Variants in BCKDHB observed in about 807,000 individuals in gnomAD.
BCKDHB encodes the protein branched chain keto acid dehydrogenase E1 subunit beta.
BCKDHB carries 41 observed loss-of-function variants against 48.5 expected under a neutral mutation model. The observed-to-expected ratio is 0.85, with a 90% CI of 0.66 to 1.10. BCKDHB has a LOEUF of 1.10. Among genes scored for constraint, BCKDHB ranks in the 50% least tolerant of loss-of-function variants. BCKDHB has a pLI of 0.00. For missense variants in BCKDHB, 496 were observed against 494.2 expected (o/e 1.00, Z -0.03); for synonymous variants, 201 against 174.8 (o/e 1.15, Z -1.18).
chr6:80,293,047 G>T (rs1767016211), intron 9 of BCKDHB, among the ~76,000 whole-genome samples: 1 of 152,206 alleles, frequency 6.6e-6, no homozygotes, highest in Non-Finnish European at 1.5e-5. Context: ...TCTCAGGCTG[G>T]CATTGAGTGT....
the BCKDHB span, among the ~76,000 whole-genome samples, chr6:80,398,455 GCAGA>G: frequency 6.6e-6 from 1 of 152,082 alleles, no homozygotes; most frequent in Non-Finnish European, 1.5e-5. Context: ...GCACCTGTGT[GCAGA>G]CAAACCAGAA....
the BCKDHB span, among the ~76,000 whole-genome samples, chr6:80,386,858 C>T: frequency 1.3e-5 from 2 of 152,198 alleles, no homozygotes; most frequent in African/African-American, 4.8e-5. Flanking sequence ...ATCACAGCCC[C>T]TCAATCAATT....
chr6:80,421,937 G>A, the BCKDHB span, among the ~76,000 whole-genome samples: 3 of 152,186 alleles, frequency 2.0e-5, no homozygotes, highest in Non-Finnish European at 4.4e-5. Context: ...CCATTTTCTT[G>A]GGAGAAATTG....
intron 3 of BCKDHB, among the ~76,000 whole-genome samples, chr6:80,139,751 T>G (rs1246835310): frequency 6.6e-6 from 1 of 152,112 alleles, no homozygotes; most frequent in Non-Finnish European, 1.5e-5. Flanking sequence ...GCCTCCAGCT[T>G]TGTTCTTTTG....
At chr6:80,378,534 A>G in the BCKDHB span, among the ~76,000 whole-genome samples, 2 of 151,936 alleles carry the variant, frequency 1.3e-5, no homozygotes, top group African/African-American at 2.4e-5. Context: ...GTGTCCACCA[A>G]CCCTTGGTAA....
At chr6:80,432,374 C>G in the BCKDHB span, among the ~76,000 whole-genome samples, 1 of 152,120 alleles carries the variant, frequency 6.6e-6, no homozygotes, top group Non-Finnish European at 1.5e-5. Context: ...AGGCTTTGCT[C>G]ATTCCTTTTT....
At chr6:80,138,922 G>C (rs1375887180) in intron 3 of BCKDHB, among the ~76,000 whole-genome samples, 1 of 152,186 alleles carries the variant, frequency 6.6e-6, no homozygotes, top group African/African-American at 2.4e-5. Flanking sequence ...CCCAGCAACA[G>C]TGTAAAAGTG....
At chr6:80,372,345 G>T in the BCKDHB span, among the ~76,000 whole-genome samples, 1 of 152,188 alleles carries the variant, frequency 6.6e-6, no homozygotes, top group East Asian at 1.9e-4. Flanking sequence ...TTATTTGCCA[G>T]TTCTAGGAGC....
chr6:80,224,022 T>C (rs908486112), intron 8 of BCKDHB, among the ~76,000 whole-genome samples: 13 of 152,236 alleles, frequency 8.5e-5, no homozygotes, highest in African/African-American at 3.1e-4. Flanking sequence ...AATGGAATTT[T>C]AAGGAAGCCT....
At chr6:80,357,624 C>G in the BCKDHB span, among the ~76,000 whole-genome samples, 1 of 152,200 alleles carries the variant, frequency 6.6e-6, no homozygotes, top group African/African-American at 2.4e-5. Flanking sequence ...TACAAAACTT[C>G]GACCTTGAAG....
intron 6 of BCKDHB, among the ~76,000 whole-genome samples, chr6:80,192,747 A>C (rs1773954715): frequency 1.3e-5 from 2 of 152,146 alleles, no homozygotes; most frequent in Non-Finnish European, 2.9e-5. Flanking sequence ...AATGTAATGA[A>C]GTTAATTTGG....
chr6:80,418,615 C>A, the BCKDHB span, among the ~76,000 whole-genome samples: 174 of 152,310 alleles, frequency 1.1e-3, no homozygotes, highest in Non-Finnish European at 1.7e-3. Context: ...TTGTATTGGG[C>A]CCTGCCTTTC....
At chr6:80,384,352 T>TC in the BCKDHB span, among the ~76,000 whole-genome samples, 3 of 144,658 alleles carry the variant, frequency 2.1e-5, no homozygotes, top group African/African-American at 8.0e-5. Context: ...CTTCTTCTTT[T>TC]TTTTTTTTTT....
At chr6:80,116,707 C>T (rs796798338) in intron 1 of BCKDHB, among the ~76,000 whole-genome samples, 3 of 152,324 alleles carry the variant, frequency 2.0e-5, no homozygotes, top group African/African-American at 7.2e-5. Flanking sequence ...AAGTGTGCTG[C>T]TGTATTTTGT....
chr6:80,284,421 T>C (rs1766527126), intron 9 of BCKDHB, among the ~76,000 whole-genome samples: 1 of 152,116 alleles, frequency 6.6e-6, no homozygotes, highest in Non-Finnish European at 1.5e-5. Flanking sequence ...CTTTAAGATA[T>C]CTGAAAATTT....
chr6:80,425,013 GA>G, the BCKDHB span, among the ~76,000 whole-genome samples: 1 of 152,156 alleles, frequency 6.6e-6, no homozygotes, highest in Non-Finnish European at 1.5e-5. Flanking sequence ...ATGCAAAGAA[GA>G]GGAATGGCCA....
the BCKDHB span, among the ~76,000 whole-genome samples, chr6:80,407,036 G>A: frequency 1.3e-5 from 2 of 152,142 alleles, no homozygotes; most frequent in Admixed American, 6.5e-5. Context: ...TTTTGTGTAA[G>A]GTGTAAGGAA....
At chr6:80,171,238 A>G (rs760013286) in intron 5 of BCKDHB, 44 bp from the exon 6 acceptor site, 2 of 1,150,562 alleles carry the variant, frequency 1.7e-6, no homozygotes, top group Non-Finnish European at 2.6e-6. Context: ...GTTTACTGGG[A>G]TATATTTTTA....
intron 1 of BCKDHB, among the ~76,000 whole-genome samples, chr6:80,112,823 G>A (rs1156448567): frequency 6.6e-6 from 1 of 152,204 alleles, no homozygotes; most frequent in Non-Finnish European, 1.5e-5. Flanking sequence ...TTAGGCATGG[G>A]TGCTGCTTTG....
Sources: gnomAD v4.1 joint callset for allele counts (sites outside exome capture counted in the v4.1 genomes callset) on GRCh38, gnomAD v4.1.1 for gene constraint, MANE v1.5 for transcripts, NCBI Gene and HGNC (gene_info 2026-07-23, HGNC 2026-07-21) for gene names.